The following SRGAP2 variants were observed in gnomAD, a reference collection of about 807,000 sequenced individuals.
SRGAP2 encodes the protein SLIT-ROBO Rho GTPase-activating protein 2.
A neutral mutation model predicts 57.2 loss-of-function variants in SRGAP2; 15 were observed. The ratio of observed to expected loss-of-function variants is 0.26; its 90% CI spans 0.18 to 0.40. SRGAP2 has a LOEUF of 0.40. SRGAP2 is among the 10% of genes least tolerant of loss of function. The pLI, the probability that SRGAP2 is intolerant of heterozygous loss-of-function variation, is 1.00. For synonymous variants in SRGAP2, 249 were observed against 248.0 expected (o/e 1.00, Z -0.04); for missense variants, 520 against 669.6 (o/e 0.78, Z 2.47).
intron 3 of SRGAP2, among the ~76,000 whole-genome samples, chr1:206,328,356 A>T (rs1456597428): frequency 9.3e-6 from 1 of 107,468 alleles, no homozygotes; most frequent in Non-Finnish European, 1.8e-5. Flanking sequence ...TGGTATTTCT[A>T]GTTCTAGATC....
intron 3 of SRGAP2, among the ~76,000 whole-genome samples, chr1:206,309,649 G>T (rs1158350567): frequency 1.3e-5 from 2 of 152,024 alleles, no homozygotes; most frequent in African/African-American, 4.8e-5. Flanking sequence ...AGAAGTGGGG[G>T]TGTTGAGGGA....
intron 4 of SRGAP2, among the ~76,000 whole-genome samples, chr1:206,377,530 G>C (rs1259255466): frequency 3.3e-4 from 21 of 63,236 alleles, no homozygotes; most frequent in Non-Finnish European, 5.3e-4. Context: ...CTAGCTTGCT[G>C]TGGAATTAGG....
intron 17 of SRGAP2, among the ~76,000 whole-genome samples, chr1:206,444,345 C>T (rs1307640099): frequency 6.6e-6 from 1 of 152,210 alleles, no homozygotes; most frequent in East Asian, 1.9e-4. Context: ...AGCTCCTGGT[C>T]ATTGTAGCCA....
chr1:206,314,096 G>GTTTT (rs1463607146), intron 3 of SRGAP2, among the ~76,000 whole-genome samples: 2 of 125,694 alleles, frequency 1.6e-5, no homozygotes, highest in East Asian at 3.0e-4. Context: ...GGGCTTTTTT[G>GTTTT]TTTTTTTTGT....
chr1:206,426,883 A>T (rs1419427940), intron 13 of SRGAP2, among the ~76,000 whole-genome samples: 2 of 152,200 alleles, frequency 1.3e-5, no homozygotes, highest in African/African-American at 4.8e-5. Flanking sequence ...TCAGGTGGAT[A>T]GTTTGCAGAT....
chr1:206,339,304 C>T (rs1675002050), intron 3 of SRGAP2, among the ~76,000 whole-genome samples: 1 of 152,012 alleles, frequency 6.6e-6, no homozygotes, highest in Non-Finnish European at 1.5e-5. Flanking sequence ...CAGCCTAGGC[C>T]CTTGAGCCTT....
At chr1:206,373,020 T>TC (rs1654831240) in intron 4 of SRGAP2, among the ~76,000 whole-genome samples, 1 of 127,418 alleles carries the variant, frequency 7.8e-6, no homozygotes, top group Non-Finnish European at 1.6e-5. Context: ...TTTCTTTCTT[T>TC]CTTTCTTTTC....
intron 4 of SRGAP2, among the ~76,000 whole-genome samples, chr1:206,357,608 G>A (rs1297655794): frequency 7.4e-4 from 94 of 127,002 alleles, no homozygotes; most frequent in Admixed American, 1.3e-3. Context: ...TTTTTTTGGA[G>A]ATGGAGTTTC....
At chr1:206,409,572 A>G (rs1193143027) in intron 10 of SRGAP2, among the ~76,000 whole-genome samples, 1 of 152,276 alleles carries the variant, frequency 6.6e-6, no homozygotes, top group African/African-American at 2.4e-5. Context: ...TCTTGAGGCC[A>G]GGAGTTCAAG....
At chr1:206,419,752 T>C (rs1052671983) in intron 12 of SRGAP2, among the ~76,000 whole-genome samples, 1 of 151,504 alleles carries the variant, frequency 6.6e-6, no homozygotes, top group Non-Finnish European at 1.5e-5. Flanking sequence ...GACTTCAACA[T>C]AGGGGCTCTG....
rs2102422407 is a variant in SRGAP2 at position 206,206,030 on chromosome 1, G to C, written c.60G>C (p.Gln20His). The change falls in exon 2 of 23, where the codon CAG becomes CAC. Residue 20 changes from glutamine to histidine, a missense_variant. Physicochemically the swap from Gln to His is conservative, Grantham distance 24 (BLOSUM62 0). This residue lies in a region of SRGAP2 where 26 missense variants were observed against 202.3 expected (regional missense o/e 0.13). Coordinates refer to ENST00000573034, the MANE Select transcript of SRGAP2 (RefSeq NM_015326.5). ...DKEIIAEYDTQVKEIRAQLTE... is the reference protein window; with the variant it reads ...DKEIIAEYDTHVKEIRAQLTE... ...AGATCATAGCAGAGTACGATACTCA[G>C]GTCAAAGGTAAGGGCTTTGAAAAAT... is the stretch of plus-strand genomic sequence containing the variant. 6.5e-7 allele frequency: 1 copy of C among 1,548,646 alleles called. No individual in the cohort carries two copies. The highest frequency in any genetic ancestry group is 8.7e-7 in the Non-Finnish European group (1 of 1,146,898).
intron 2 of SRGAP2, among the ~76,000 whole-genome samples, chr1:206,295,544 T>C (rs1185726210): frequency 1.3e-5 from 2 of 150,544 alleles, no homozygotes; most frequent in Admixed American, 6.6e-5. Flanking sequence ...TTTCAAGAAG[T>C]TTAGACTACC....
intron 2 of SRGAP2, among the ~76,000 whole-genome samples, chr1:206,296,081 AC>A (rs1260689365): frequency 9.5e-5 from 14 of 146,854 alleles, no homozygotes; most frequent in African/African-American, 2.8e-4. Flanking sequence ...GACTTGTGTC[AC>A]TGAAAGGTCC....
At chr1:206,277,072 C>G (rs1321607410) in intron 2 of SRGAP2, among the ~76,000 whole-genome samples, 2 of 151,800 alleles carry the variant, frequency 1.3e-5, no homozygotes, top group Non-Finnish European at 1.5e-5. Context: ...TCAAGAGATT[C>G]TCCTGCGTCA....
intron 14 of SRGAP2, 26 bp downstream of exon 14, chr1:206,430,248 T>C (rs1160090300): frequency 7.7e-6 from 6 of 780,486 alleles, no homozygotes; most frequent in Non-Finnish European, 1.4e-5. Flanking sequence ...GCCTTGTCCA[T>C]ATTTGTGCAA....
chr1:206,348,210 G>A (rs1675787534), intron 4 of SRGAP2, among the ~76,000 whole-genome samples: 1 of 151,558 alleles, frequency 6.6e-6, no homozygotes. Context: ...AAAACAGACT[G>A]ACTTTGTCTA....
chr1:206,454,888 G>A lies in SRGAP2; in HGVS notation c.2371G>A (p.Val791Ile), dbSNP rs1403354055. 1.3e-6 allele frequency: 1 copy of A among 773,866 alleles called. No individual in the cohort carries two copies. Among genetic ancestry groups the A allele is most frequent in the Non-Finnish European group, 2.4e-6 (1 of 413,920 alleles). 47.9% of individuals were successfully genotyped at this position (773,866 alleles called of 1,614,324 possible). A position where few individuals can be genotyped will look rare whatever the true frequency, so the allele number is the denominator to read the frequency against. ...CCCCTTCTCCCCCAGCGAGGACGGTGTCGTGGAGAGGTCCAGCCCCAAGTC... is the reference window on the plus strand; with the variant it reads ...CCCCTTCTCCCCCAGCGAGGACGGTATCGTGGAGAGGTCCAGCCCCAAGTC... ...YIVVQDTEDG[V>I]VERSSPKSEI... The change falls in exon 21 of 23, where the codon GTC (valine) becomes ATC (isoleucine). Residue 791 changes from valine to isoleucine, a missense_variant. By Grantham distance (29) the Val-to-Ile change is conservative. Around this residue, in one of 5 missense-constraint regions of SRGAP2, gnomAD observed 478 missense variants for 373.6 expected, o/e 1.28. Coordinates refer to ENST00000573034, the MANE Select transcript of SRGAP2 (RefSeq NM_015326.5). This position sits in a 1 kb window ranked among gnomAD's most constrained non-coding sequence, Gnocchi z 4.3.
chr1:206,337,928 G>A (rs1398717458), intron 3 of SRGAP2, among the ~76,000 whole-genome samples: 1 of 152,014 alleles, frequency 6.6e-6, no homozygotes, highest in South Asian at 2.1e-4. Flanking sequence ...TTAAGCGCTT[G>A]TTGCTAAGTT....
chr1:206,365,358 G>A (rs1236814231), intron 4 of SRGAP2, among the ~76,000 whole-genome samples: 2 of 152,046 alleles, frequency 1.3e-5, no homozygotes, highest in African/African-American at 4.8e-5. Context: ...GCCCTTGTGG[G>A]TCATGAAACA....
Sources: gnomAD v4.1 joint callset for allele counts (sites outside exome capture counted in the v4.1 genomes callset) on GRCh38, gnomAD v4.1.1 for gene constraint, gnomAD v4.1.1 regional missense constraint, Gnocchi (gnomAD v3.1) non-coding constraint, MANE v1.5 for transcripts, NCBI Gene and HGNC (gene_info 2026-07-23, HGNC 2026-07-21) for gene names.